Variants in NFKB2 observed in about 807,000 individuals in gnomAD.
NFKB2 encodes nuclear factor kappa B subunit 2.
NFKB2 carries 21 observed loss-of-function variants against 109.3 expected under a neutral mutation model. The observed-to-expected ratio is 0.19, with a 90% CI of 0.14 to 0.28. NFKB2 has a LOEUF of 0.28. NFKB2 is among the 10% of genes least tolerant of loss of function. The pLI, the probability that NFKB2 is intolerant of heterozygous loss-of-function variation, is 1.00. For missense variants in NFKB2, 806 were observed against 1,185.3 expected, an observed-to-expected ratio of 0.68 and a Z score of 4.70; for synonymous variants, 478 against 489.9, an observed-to-expected ratio of 0.98 and a Z score of 0.32.
chr10:102,398,844 G>T lies in NFKB2; in HGVS notation c.1097G>T (p.Gly366Val). The T allele has an allele frequency of 1.9e-6, 3 of 1,600,724 alleles. No individual in the cohort carries two copies. Among genetic ancestry groups the T allele is most frequent in the Non-Finnish European group, 2.6e-6 (3 of 1,173,934 alleles). Reference sequence around the variant, plus strand: ...GGAGGCTCTGGGGGTGCAGCCGGGGGCTACGGAGGAGCTGGAGGAGGTGAG... The same window carrying T: ...GGAGGCTCTGGGGGTGCAGCCGGGGTCTACGGAGGAGCTGGAGGAGGTGAG... Reference protein sequence around the residue: ...MGGGSGGAAGGYGGAGGGGSL... With the variant: ...MGGGSGGAAGVYGGAGGGGSL... The change falls in exon 12 of 23, where the codon GGC becomes GTC. Residue 366 changes from glycine to valine, a missense_variant. Physicochemically the swap from Gly to Val is moderately radical, Grantham distance 109. Around this residue, in one of 10 missense-constraint regions of NFKB2, gnomAD observed 209 missense variants for 211.9 expected, o/e 0.99. Coordinates refer to ENST00000661543, the MANE Select transcript of NFKB2 (RefSeq NM_001322934.2). This position sits in a 1 kb window ranked among gnomAD's most constrained non-coding sequence, Gnocchi z 6.6.
chr10:102,397,189 A>G lies in NFKB2; in HGVS notation c.396-113A>G. 1 of 1,530,840 alleles carries G rather than the reference A, an allele frequency of 6.5e-7. No individual in the cohort carries two copies. Among genetic ancestry groups the G allele is most frequent in the Non-Finnish European group, 8.9e-7 (1 of 1,120,138 alleles). 94.8% of individuals were successfully genotyped at this position (1,530,840 alleles called of 1,614,324 possible). A position where few individuals can be genotyped will look rare whatever the true frequency, so the allele number is the denominator to read the frequency against. Reference sequence around the variant, plus strand: ...GCCCCAAACCCAAGGGCCTAAGTAGAAACTCCAATGGCTTCCTTGAGGAAG... The same window carrying G: ...GCCCCAAACCCAAGGGCCTAAGTAGGAACTCCAATGGCTTCCTTGAGGAAG... On this transcript the variant is annotated intron_variant, in intron 6 of 22. Coordinates refer to ENST00000661543, the MANE Select transcript of NFKB2 (RefSeq NM_001322934.2). This position sits in a 1 kb window ranked among gnomAD's most constrained non-coding sequence, Gnocchi z 4.7.
chr10:102,397,583 C>A lies in NFKB2; in HGVS notation c.559C>A (p.Leu187Met). Residue 187 changes from leucine to methionine, a missense_variant, in exon 8 of 23, where the codon CTG becomes ATG. Leu to Met is a conservative substitution (Grantham distance 15). Transcript: ENST00000661543. The surrounding 1 kb of genome is among the most constrained non-coding windows in gnomAD (Gnocchi z 4.7). ...CAAAGAACTGAAGAAGGTGATGGAT[C>A]TGAGTATAGTGCGGCTGCGCTTCTC... ...EAKELKKVMD[L>M]SIVRLRFSAF... The A allele has an allele frequency of 6.2e-7, 1 of 1,614,054 alleles. No individual in the cohort carries two copies. Among genetic ancestry groups the A allele is most frequent in the Non-Finnish European group, 8.5e-7 (1 of 1,179,924 alleles).
In NFKB2 at chr10:102,400,746, G is replaced by A. The variant is rs368234633; in HGVS notation, c.1890G>A (p.Glu630=). The change falls in exon 17 of 23, where the codon GAG becomes GAA. Residue 630 remains glutamate, a synonymous_variant. Coordinates refer to ENST00000661543, the MANE Select transcript of NFKB2 (RefSeq NM_001322934.2). The surrounding 1 kb of genome is among the most constrained non-coding windows in gnomAD (Gnocchi z 6.3). The part of the protein sequence containing the change: ...VDSGAEVEAT[E]RQGGRTALHL... ...GTGGGGCTGAAGTGGAGGCCACAGA[G>A]CGGCAGGGGGGACGAACAGCCTTGC... The A allele has an allele frequency of 1.1e-5, 18 of 1,613,520 alleles. No individual in the cohort carries two copies. The African/African-American group carries it at 2.4e-4, about 22-fold the overall frequency.
Position 102,397,831 on chromosome 10 carries a change from C to A in NFKB2, c.661+146C>A. On this transcript the variant is annotated intron_variant, in intron 8 of 22. Coordinates refer to ENST00000661543, the MANE Select transcript of NFKB2 (RefSeq NM_001322934.2). The surrounding 1 kb of genome is among the most constrained non-coding windows in gnomAD (Gnocchi z 4.7). ...GAGTGATCCTGAGCAAGTCATTTCC[C>A]CCCCGAAGCTTCTGTCTTTAGTAAA... The A allele has an allele frequency of 1.0e-5, 13 of 1,269,506 alleles. No individual in the cohort carries two copies. Among genetic ancestry groups the A allele is most frequent in the Non-Finnish European group, 1.4e-5 (13 of 900,696 alleles). The allele number at this position is 1,269,506 out of a possible 1,614,324, so 78.6% of individuals were successfully genotyped here.
Position 102,398,014 on chromosome 10 carries a change from G to T in NFKB2, c.695G>T (p.Arg232Leu). 6.2e-7 allele frequency: 1 copy of T among 1,614,136 alleles called. No homozygotes were observed. The highest frequency in any genetic ancestry group is 8.5e-7 in the Non-Finnish European group (1 of 1,180,010). The change falls in exon 9 of 23, where the codon CGA (arginine) becomes CTA (leucine). Residue 232 changes from arginine to leucine, a missense_variant. Arg to Leu is a moderately radical substitution (Grantham distance 102). Around this residue, in one of 10 missense-constraint regions of NFKB2, gnomAD observed 64 missense variants for 177.4 expected, o/e 0.36. Transcript: ENST00000661543. This position sits in a 1 kb window ranked among gnomAD's most constrained non-coding sequence, Gnocchi z 6.6. Reference sequence around the variant, plus strand: ...GGGGCATCAAACCTGAAGATTTCTCGAATGGACAAGACAGCAGGCTCTGTG... The same window carrying T: ...GGGGCATCAAACCTGAAGATTTCTCTAATGGACAAGACAGCAGGCTCTGTG... ...SPGASNLKIS[R>L]MDKTAGSVRG... is the part of the protein sequence containing the mutation.
chr10:102,395,351 C>G (rs1238373382), upstream of NFKB2, among the ~76,000 whole-genome samples: 1 of 152,178 alleles, frequency 6.6e-6, no homozygotes, highest in Non-Finnish European at 1.5e-5. Context: ...AATGTCCCCC[C>G]AAAAGCCCCC....
chr10:102,398,965 C>A lies in NFKB2; in HGVS notation c.1117+101C>A, dbSNP rs1260673054. Reference sequence around the variant, plus strand: ...GTGGTGGCTCACGCCTGTAATCCAGCCCTTTGGGAGGCCAAGGCAGGCAGA... The same window carrying A: ...GTGGTGGCTCACGCCTGTAATCCAGACCTTTGGGAGGCCAAGGCAGGCAGA... On this transcript the variant is annotated intron_variant, in intron 12 of 22. Transcript: ENST00000661543. The surrounding 1 kb of genome is among the most constrained non-coding windows in gnomAD (Gnocchi z 6.6). The A allele has an allele frequency of 7.5e-7, 1 of 1,339,372 alleles. No homozygotes were observed. Among genetic ancestry groups the A allele is most frequent in the Non-Finnish European group, 1.0e-6 (1 of 983,444 alleles). The allele number at this position is 1,339,372 out of a possible 1,614,324, so 83.0% of individuals were successfully genotyped here.
chr10:102,394,165 G>A (rs2061058592), upstream of NFKB2: 1 of 152,298 alleles, frequency 6.6e-6, no homozygotes, highest in Admixed American at 6.5e-5. Flanking sequence ...GGCCCCGAGG[G>A]CTGGGGCCGT....
chr10:102,402,246 C>A lies in NFKB2; in HGVS notation c.2579-6C>A. 3 of 1,551,408 alleles carry A rather than the reference C, an allele frequency of 1.9e-6. No homozygotes were observed. The highest frequency in any genetic ancestry group is 2.6e-6 in the Non-Finnish European group (3 of 1,147,226). On this transcript the variant is annotated splice_polypyrimidine_tract_variant and splice_region_variant and intron_variant, in intron 22 of 22. Transcript: ENST00000661543. ...CTATCCCATTCCTGTCCCCATTTAC[C>A]CCCAGCAGAGGTGAAGGAAGACAGT...
In NFKB2 at chr10:102,396,903, G is replaced by T; in HGVS notation, c.244-1G>T. ...TGACTGACAGTCCCTGCCTCTCCTA[G>T]ATCTGTAACTACGAGGGACCAGCCA... is the stretch of plus-strand genomic sequence containing the variant. On this transcript the variant is annotated splice_acceptor_variant, in intron 5 of 22. Transcript: ENST00000661543. LOFTEE classifies it high-confidence loss of function. This position sits in a 1 kb window ranked among gnomAD's most constrained non-coding sequence, Gnocchi z 5.9. 6.2e-7 allele frequency: 1 copy of T among 1,603,044 alleles called. No individual in the cohort carries two copies. Among genetic ancestry groups the T allele is most frequent in the Non-Finnish European group, 8.5e-7 (1 of 1,170,628 alleles).
At position 102,397,758 on chromosome 10, in the gene NFKB2, A is replaced by G; in HGVS notation, c.661+73A>G. On this transcript the variant is annotated intron_variant, in intron 8 of 22. Coordinates refer to ENST00000661543, the MANE Select transcript of NFKB2 (RefSeq NM_001322934.2). The surrounding 1 kb of genome is among the most constrained non-coding windows in gnomAD (Gnocchi z 4.7). ...CATGAGGGGTGACCTCAAGCTGTGCAGTCAAACAGACCCAGGTTTCAGAAC... is the reference window on the plus strand; with the variant it reads ...CATGAGGGGTGACCTCAAGCTGTGCGGTCAAACAGACCCAGGTTTCAGAAC... 6.5e-7 allele frequency: 1 copy of G among 1,539,586 alleles called. No homozygotes were observed. The highest frequency in any genetic ancestry group is 8.8e-7 in the Non-Finnish European group (1 of 1,132,762).
Position 102,397,873 on chromosome 10 carries a change from T to A in NFKB2, c.662-108T>A, listed in dbSNP as rs2061145173. 7.7e-7 allele frequency: 1 copy of A among 1,302,418 alleles called. No homozygotes were observed. Among genetic ancestry groups the A allele is most frequent in the Admixed American group, 1.9e-5 (1 of 53,482 alleles). 80.7% of individuals were successfully genotyped at this position (1,302,418 alleles called of 1,614,324 possible). A position where few individuals can be genotyped will look rare whatever the true frequency, so the allele number is the denominator to read the frequency against. ...TTTAGTAAATGTGTATATTGGGTGTTTCCTGCAGCTCCAGGGGTTGCTGAG... is the reference window on the plus strand; with the variant it reads ...TTTAGTAAATGTGTATATTGGGTGTATCCTGCAGCTCCAGGGGTTGCTGAG... On this transcript the variant is annotated intron_variant, in intron 8 of 22. Coordinates refer to ENST00000661543, the MANE Select transcript of NFKB2 (RefSeq NM_001322934.2). The surrounding 1 kb of genome is among the most constrained non-coding windows in gnomAD (Gnocchi z 4.7).
rs199980436 is a variant in NFKB2, at chr10:102,396,709, G to A, written c.145-16G>A. On this transcript the variant is annotated splice_polypyrimidine_tract_variant and intron_variant, in intron 4 of 22. Transcript: ENST00000661543. This position sits in a 1 kb window ranked among gnomAD's most constrained non-coding sequence, Gnocchi z 5.9. The stretch of plus-strand genomic sequence containing the variant: ...TCTTCCCTGATCACAATGCTACTAT[G>A]CCCTTGGACCTTCAGAGAGGCTTCC... 4 of 1,607,918 alleles carry A rather than the reference G, an allele frequency of 2.5e-6. No homozygotes were observed. The highest frequency in any genetic ancestry group is 2.2e-5 in the East Asian group (1 of 44,680).
Position 102,400,801 on chromosome 10 carries a change from T to C in NFKB2, c.1945T>C (p.Leu649=). The C allele has an allele frequency of 1.9e-6, 3 of 1,596,302 alleles. No homozygotes were observed. Among genetic ancestry groups the C allele is most frequent in the Non-Finnish European group, 2.6e-6 (3 of 1,170,808 alleles). Reference sequence around the variant, plus strand: ...AGCCACAGAGATGGAGGAGCTGGGGTTGGTCACCCATCTGGTCACCAAGGT... The same window carrying C: ...AGCCACAGAGATGGAGGAGCTGGGGCTGGTCACCCATCTGGTCACCAAGGT... ...HLATEMEELG[L]VTHLVTKLRA... Residue 649 remains leucine (L), a synonymous_variant, in exon 17 of 23, where the codon TTG becomes CTG. Coordinates refer to ENST00000661543, the MANE Select transcript of NFKB2 (RefSeq NM_001322934.2). This position sits in a 1 kb window ranked among gnomAD's most constrained non-coding sequence, Gnocchi z 6.3.
Position 102,396,112 on chromosome 10 carries a change from T to TCTGCAA in NFKB2, c.21+135_22-133dup, listed in dbSNP as rs1246260561. 10 of 1,456,286 alleles carry TCTGCAA rather than the reference T, an allele frequency of 6.9e-6. No individual in the cohort carries two copies. The highest frequency in any genetic ancestry group is 1.4e-5 in the African/African-American group (1 of 71,806). 90.2% of individuals were successfully genotyped at this position (1,456,286 alleles called of 1,614,324 possible). On this transcript the variant is annotated intron_variant, in intron 2 of 22. Transcript: ENST00000661543. The surrounding 1 kb of genome is among the most constrained non-coding windows in gnomAD (Gnocchi z 5.9). ...CTCAGCCTGCCAGTCTGTCCATCTG[T>TCTGCAA]CTGCAACTCTGCCTCCAAAAGGAGC...
rs747286988 is a variant in NFKB2, at chr10:102,399,663, G to T, written c.1414G>T (p.Ala472Ser). The T allele has an allele frequency of 6.5e-7, 1 of 1,529,696 alleles. No homozygotes were observed. The highest frequency in any genetic ancestry group is 8.8e-7 in the Non-Finnish European group (1 of 1,136,756). 94.8% of individuals were successfully genotyped at this position (1,529,696 alleles called of 1,614,324 possible). A position where few individuals can be genotyped will look rare whatever the true frequency, so the allele number is the denominator to read the frequency against. The change falls in exon 14 of 23, where the codon GCG becomes TCG. Residue 472 changes from alanine (A) to serine (S), a missense_variant. By Grantham distance (99) the Ala-to-Ser change is moderately conservative (BLOSUM62 1). Coordinates refer to ENST00000661543, the MANE Select transcript of NFKB2 (RefSeq NM_001322934.2). ...CTACGGCGTCACCGCGGACGCGCGC[G>T]CGCTGCTGGCGGGACAGCGCCACCT... ...LDYGVTADARALLAGQRHLLT... is the reference protein window; with the variant it reads ...LDYGVTADARSLLAGQRHLLT...
Position 102,402,034 on chromosome 10 carries a change from C to T in NFKB2, c.2467-14C>T. On this transcript the variant is annotated splice_polypyrimidine_tract_variant and intron_variant, in intron 21 of 22. Coordinates refer to ENST00000661543, the MANE Select transcript of NFKB2 (RefSeq NM_001322934.2). ...CCTAACCATGACTCAGACCTCATTC[C>T]TCTGTCTTCTCAGCTGGCTGGCGGG... 4 of 1,569,898 alleles carry T rather than the reference C, an allele frequency of 2.5e-6. No individual in the cohort carries two copies. Among genetic ancestry groups the T allele is most frequent in the Non-Finnish European group, 3.5e-6 (4 of 1,156,746 alleles).
chr10:102,396,433 G>C lies in NFKB2; in HGVS notation c.104-16G>C. 1 of 1,614,118 alleles carries C rather than the reference G, an allele frequency of 6.2e-7. No homozygotes were observed. Among genetic ancestry groups the C allele is most frequent in the Non-Finnish European group, 8.5e-7 (1 of 1,180,002 alleles). ...GGCTGGGAGATCGTGGCTCAGCAAG[G>C]TCTCTCTGTCCCCAGCTGATGGCCC... On this transcript the variant is annotated splice_polypyrimidine_tract_variant and intron_variant, in intron 3 of 22. Transcript: ENST00000661543. The surrounding 1 kb of genome is among the most constrained non-coding windows in gnomAD (Gnocchi z 5.9).
In NFKB2 at chr10:102,398,956, G is replaced by A. The variant is rs1290478872; in HGVS notation, c.1117+92G>A. On this transcript the variant is annotated intron_variant, in intron 12 of 22. Transcript: ENST00000661543. This position sits in a 1 kb window ranked among gnomAD's most constrained non-coding sequence, Gnocchi z 6.6. ...AGGCCGGGCGTGGTGGCTCACGCCT[G>A]TAATCCAGCCCTTTGGGAGGCCAAG... 3 of 1,395,760 alleles carry A rather than the reference G, an allele frequency of 2.1e-6. No homozygotes were observed. In the South Asian group the frequency reaches 4.0e-5, roughly 19 times the overall value. The allele number at this position is 1,395,760 out of a possible 1,614,324, so 86.5% of individuals were successfully genotyped here.
Sources: gnomAD v4.1 joint callset for allele counts (sites outside exome capture counted in the v4.1 genomes callset) on GRCh38, gnomAD v4.1.1 for gene constraint, gnomAD v4.1.1 regional missense constraint, Gnocchi (gnomAD v3.1) non-coding constraint, MANE v1.5 for transcripts, NCBI Gene and HGNC (gene_info 2026-07-23, HGNC 2026-07-21) for gene names.